The following CDS1 variants were observed in gnomAD, a reference collection of about 807,000 sequenced individuals.
CDS1 encodes the protein phosphatidate cytidylyltransferase 1.
A neutral mutation model predicts 62.1 loss-of-function variants in CDS1; 41 were observed. That is an observed-to-expected ratio of 0.66 (90% CI 0.51 to 0.86). CDS1 has a LOEUF of 0.86. CDS1 is among the 40% of genes least tolerant of loss of function. The pLI is 0.00. For missense variants in CDS1, 470 were observed against 550.1 expected (o/e 0.85, Z 1.46); for synonymous variants, 185 against 192.6 (o/e 0.96, Z 0.32).
intron 10 of CDS1, 95 bp from the exon 11 acceptor site, chr4:84,642,929 T>G: frequency 3.2e-6 from 4 of 1,234,448 alleles, no homozygotes; most frequent in Non-Finnish European, 4.5e-6. Context: ...GTGCTTTGAC[T>G]TACTATTTAC....
At chr4:84,593,586 CCT>C (rs1722659457) in intron 1 of CDS1, among the ~76,000 whole-genome samples, 2 of 151,896 alleles carry the variant, frequency 1.3e-5, no homozygotes, top group Admixed American at 1.3e-4. Context: ...CTCACTGCAA[CCT>C]CTGTCTCCCA....
chr4:84,583,411 C>G lies in CDS1; in HGVS notation c.10C>G (p.Leu4Val). 1 of 1,601,214 alleles carries G rather than the reference C, an allele frequency of 6.2e-7. No individual in the cohort carries two copies. The highest frequency in any genetic ancestry group is 1.1e-5 in the South Asian group (1 of 90,392). The change falls in exon 1 of 13, where the codon CTG becomes GTG. Residue 4 changes from leucine (L) to valine (V), a missense_variant. By Grantham distance (32) the Leu-to-Val change is conservative. Transcript: ENST00000295887. ...AGCGCGGGAGCGGAAGATGTTGGAG[C>G]TGAGGCACCGGGGAAGCTGCCCCGG... MLELRHRGSCPGPR... is the reference protein window; with the variant it reads MLEVRHRGSCPGPR...
At chr4:84,644,861 C>A (rs2148661540) in intron 11 of CDS1, among the ~76,000 whole-genome samples, 1 of 152,238 alleles carries the variant, frequency 6.6e-6, no homozygotes, top group South Asian at 2.1e-4. Flanking sequence ...TAAAATAGCT[C>A]CCCAAACAGC....
Position 84,627,537 on chromosome 4 carries a change from A to C in CDS1, c.581-4282A>C, listed in dbSNP as rs373597931. ...TTAGCAGTGATGTGTAAACAGACTT[A>C]AGGTGTTTGACCCTTAATATCATCA... On this transcript the variant is annotated intron_variant, in intron 5 of 12. Transcript: ENST00000295887. Among the ~76,000 whole-genome samples, 187 of 152,326 alleles carry C rather than the reference A, an allele frequency of 1.2e-3. 2 individuals carry two copies. The South Asian group carries it at 0.028, about 23-fold the overall frequency.
intron 2 of CDS1, among the ~76,000 whole-genome samples, chr4:84,604,660 T>G (rs558556254): frequency 3.3e-5 from 5 of 152,364 alleles, no homozygotes; most frequent in African/African-American, 1.2e-4. Context: ...CTGAAGCCTG[T>G]GATCTATTTA....
intron 1 of CDS1, among the ~76,000 whole-genome samples, chr4:84,596,462 C>T (rs1356059067): frequency 1.3e-5 from 2 of 152,150 alleles, no homozygotes; most frequent in African/African-American, 4.8e-5. Flanking sequence ...CTGGTGGCCT[C>T]TTACTCCTTG....
intron 1 of CDS1, among the ~76,000 whole-genome samples, chr4:84,598,974 A>G (rs1466692836): frequency 6.6e-6 from 1 of 152,244 alleles, no homozygotes; most frequent in African/African-American, 2.4e-5. Flanking sequence ...ACTGCTCTTT[A>G]AGAGTCCCCA....
At chr4:84,642,766 A>G (rs1480298724) in intron 10 of CDS1, among the ~76,000 whole-genome samples, 1 of 152,208 alleles carries the variant, frequency 6.6e-6, no homozygotes, top group Non-Finnish European at 1.5e-5. Flanking sequence ...AAGGTAGACT[A>G]CCACGCTGCA....
chr4:84,645,340 G>C lies in CDS1; in HGVS notation c.1256+15G>C, dbSNP rs567478448. On this transcript the variant is annotated intron_variant, in intron 12 of 12. Coordinates refer to ENST00000295887, the MANE Select transcript of CDS1 (RefSeq NM_001263.4). Reference sequence around the variant, plus strand: ...AGTTTTATAAGGTACTTTTACACTTGAGACATTTTTTAGATGATTTCTTTG... The same window carrying C: ...AGTTTTATAAGGTACTTTTACACTTCAGACATTTTTTAGATGATTTCTTTG... The C allele has an allele frequency of 5.6e-6, 8 of 1,436,446 alleles. No individual in the cohort carries two copies. The East Asian group carries it at 1.6e-4, about 29-fold the overall frequency. The allele number at this position is 1,436,446 out of a possible 1,614,324, so 89.0% of individuals were successfully genotyped here. A position where few individuals can be genotyped will look rare whatever the true frequency, so the allele number is the denominator to read the frequency against.
intron 1 of CDS1, among the ~76,000 whole-genome samples, chr4:84,597,901 C>T (rs1722800806): frequency 6.6e-6 from 1 of 151,914 alleles, no homozygotes; most frequent in Non-Finnish European, 1.5e-5. Context: ...CCGAGGTGGG[C>T]AGATCACGAG....
In CDS1 at chr4:84,638,915, CT is replaced by C. The variant is rs761209404; in HGVS notation, c.811-3del. On this transcript the variant is annotated splice_region_variant and splice_polypyrimidine_tract_variant and intron_variant, in intron 8 of 12. Coordinates refer to ENST00000295887, the MANE Select transcript of CDS1 (RefSeq NM_001263.4). The stretch of plus-strand genomic sequence containing the variant: ...GTAAAGCTTTTTAATTTTATTTGCC[CT>C]TTTTTAGTTGTCTCCTAAAAAGACT... The C allele has an allele frequency of 1.3e-5, 19 of 1,472,622 alleles. No individual in the cohort carries two copies. Among genetic ancestry groups the C allele is most frequent in the South Asian group, 4.2e-5 (3 of 71,258 alleles). The allele number at this position is 1,472,622 out of a possible 1,614,324, so 91.2% of individuals were successfully genotyped here.
intron 1 of CDS1, among the ~76,000 whole-genome samples, chr4:84,591,113 C>G (rs376984035): frequency 4.6e-5 from 7 of 152,002 alleles, no homozygotes; most frequent in African/African-American, 1.7e-4. Context: ...AATTTAATGT[C>G]CTCTGGAAAA....
chr4:84,609,428 G>A lies in CDS1; in HGVS notation c.246-1G>A. 6.3e-7 allele frequency: 1 copy of A among 1,589,550 alleles called. No individual in the cohort carries two copies. The highest frequency in any genetic ancestry group is 8.6e-7 in the Non-Finnish European group (1 of 1,158,776). On this transcript the variant is annotated splice_acceptor_variant, in intron 2 of 12. Transcript: ENST00000295887. LOFTEE classifies it high-confidence loss of function. ...ATACTAACTTTACATTTTCTTTGTAGGTGGAAAAACTGGTGGATACGTGGA... is the reference window on the plus strand; with the variant it reads ...ATACTAACTTTACATTTTCTTTGTAAGTGGAAAAACTGGTGGATACGTGGA...
At chr4:84,595,363 TG>T (rs1411765237) in intron 1 of CDS1, among the ~76,000 whole-genome samples, 1 of 152,136 alleles carries the variant, frequency 6.6e-6, no homozygotes, top group Non-Finnish European at 1.5e-5. Flanking sequence ...TTCAGTCAGC[TG>T]GGGGGGCTTG....
chr4:84,620,023 TAAAAAAA>T (rs34828724), intron 5 of CDS1, among the ~76,000 whole-genome samples: 3 of 121,388 alleles, frequency 2.5e-5, no homozygotes, highest in African/African-American at 5.9e-5. Flanking sequence ...AACTCTTATC[TAAAAAAA>T]AAAAAAAAAA....
intron 1 of CDS1, among the ~76,000 whole-genome samples, chr4:84,597,591 A>G (rs1346099652): frequency 6.6e-6 from 1 of 152,126 alleles, no homozygotes; most frequent in African/African-American, 2.4e-5. Flanking sequence ...GTGAGTCATG[A>G]TAGTGCACTG....
At chr4:84,607,719 G>A (rs749094424) in intron 2 of CDS1, among the ~76,000 whole-genome samples, 3 of 151,976 alleles carry the variant, frequency 2.0e-5, no homozygotes, top group Non-Finnish European at 4.4e-5. Flanking sequence ...AAGATAGTAA[G>A]ACCCTGTCTC....
At chr4:84,590,012 A>C (rs146505614) in intron 1 of CDS1, among the ~76,000 whole-genome samples, 7,151 of 152,102 alleles carry the variant, frequency 0.047, 200 homozygotes, top group African/African-American at 0.056. Flanking sequence ...GGGGTTTCAC[A>C]GTGTTAGCCA....
chr4:84,592,866 G>A lies in CDS1; in HGVS notation c.117+9348G>A, dbSNP rs146484829. Among the ~76,000 whole-genome samples the A allele has an allele frequency of 7.1e-4, 108 of 152,276 alleles. 1 individual carries two copies. Among genetic ancestry groups the A allele is most frequent in the Non-Finnish European group, 1.1e-3 (78 of 68,034 alleles). ...GTAGCCAATCTGACTTCATCACCTG[G>A]GTGACCCAGGTGGGATCAGACATCT... On this transcript the variant is annotated intron_variant, in intron 1 of 12. Transcript: ENST00000295887.
Sources: allele counts gnomAD v4.1 joint callset (sites outside exome capture counted in the v4.1 genomes callset), GRCh38; gene constraint gnomAD v4.1.1; transcripts MANE v1.5; gene names NCBI Gene and HGNC (gene_info 2026-07-23, HGNC 2026-07-21).